The following PAK1 variants were observed in gnomAD, a reference collection of about 807,000 sequenced individuals.
PAK1 encodes the protein p21 (RAC1) activated kinase 1.
In PAK1, 29 loss-of-function variants were observed where a neutral mutation model predicts 67.4. The ratio of observed to expected loss-of-function variants is 0.43; its 90% CI spans 0.32 to 0.59. The LOEUF (loss-of-function observed/expected upper bound fraction) is 0.59, where lower values mean the gene tolerates loss of function less well. Among genes scored for constraint, PAK1 ranks in the 20% least tolerant of loss-of-function variants. The pLI, the probability that PAK1 is intolerant of heterozygous loss-of-function variation, is 0.07. For missense variants in PAK1, 337 were observed against 670.7 expected (o/e 0.50, Z 5.50); for synonymous variants, 223 against 237.4 (o/e 0.94, Z 0.56).
chr11:77,400,333 G>A (rs954408249), intron 1 of PAK1, among the ~76,000 whole-genome samples: 7 of 152,198 alleles, frequency 4.6e-5, no homozygotes, highest in East Asian at 1.9e-4. Context: ...TCTGCACCAC[G>A]TAGAGCACTA....
At chr11:77,381,339 C>CT (rs938797865) in intron 2 of PAK1, among the ~76,000 whole-genome samples, 5 of 152,160 alleles carry the variant, frequency 3.3e-5, no homozygotes, top group Non-Finnish European at 7.3e-5. Context: ...AGATTCCTTC[C>CT]TGAGATGGCA....
chr11:77,364,261 C>T (rs1947196367), intron 5 of PAK1, among the ~76,000 whole-genome samples: 1 of 152,136 alleles, frequency 6.6e-6, no homozygotes, highest in Non-Finnish European at 1.5e-5. Flanking sequence ...TTGAAAAAGG[C>T]CTAAACAGTA....
chr11:77,375,949 G>GA (rs2137009794), intron 4 of PAK1, among the ~76,000 whole-genome samples: 1 of 152,242 alleles, frequency 6.6e-6, no homozygotes, highest in East Asian at 1.9e-4. Flanking sequence ...CACAAAGCAG[G>GA]AAATAAGGCA....
intron 1 of PAK1, among the ~76,000 whole-genome samples, chr11:77,465,364 G>A (rs1957549058): frequency 6.6e-6 from 1 of 151,982 alleles, no homozygotes. Context: ...GATGGCTAAA[G>A]AACAGAATTA....
In PAK1 at chr11:77,392,506, G is replaced by A. The variant is rs767406663; in HGVS notation, c.15C>T (p.Gly5=). 1 of 1,600,608 alleles carries A rather than the reference G, an allele frequency of 6.2e-7. No individual in the cohort carries two copies. The highest frequency in any genetic ancestry group is 1.1e-5 in the South Asian group (1 of 89,662). ...CTGGGGGTTTGTCTTGAATGTCTAGGCCGTTATTTGACATTGTCACCACCA... is the reference window on the plus strand; with the variant it reads ...CTGGGGGTTTGTCTTGAATGTCTAGACCGTTATTTGACATTGTCACCACCA... MSNN[G]LDIQDKPPAP... is the part of the protein sequence containing the mutation. The change falls in exon 2 of 15, where the codon GGC becomes GGT. Residue 5 remains glycine (G), a synonymous_variant. Coordinates refer to ENST00000356341, the MANE Select transcript of PAK1 (RefSeq NM_002576.5).
At chr11:77,510,668 T>A in the PAK1 span, among the ~76,000 whole-genome samples, 2 of 152,256 alleles carry the variant, frequency 1.3e-5, no homozygotes, top group African/African-American at 4.8e-5. Context: ...ATTGATAATT[T>A]GGAAGTTTCT....
At chr11:77,414,938 A>C (rs748579656) in intron 1 of PAK1, among the ~76,000 whole-genome samples, 2 of 152,212 alleles carry the variant, frequency 1.3e-5, no homozygotes, top group Non-Finnish European at 2.9e-5. Flanking sequence ...ATACAGTGTT[A>C]AGAGAACAAA....
At chr11:77,371,103 A>G (rs908473541) in intron 5 of PAK1, among the ~76,000 whole-genome samples, 2 of 152,236 alleles carry the variant, frequency 1.3e-5, no homozygotes, top group Non-Finnish European at 2.9e-5. Context: ...TTGACTTCTC[A>G]GCACCCAAAG....
the PAK1 span, among the ~76,000 whole-genome samples, chr11:77,482,493 C>T: frequency 6.6e-6 from 1 of 152,140 alleles, no homozygotes; most frequent in African/African-American, 2.4e-5. Flanking sequence ...TAAGATGAAA[C>T]CTTCAATATA....
intron 2 of PAK1, among the ~76,000 whole-genome samples, chr11:77,390,821 A>T (rs1951041330): frequency 6.6e-6 from 1 of 152,068 alleles, no homozygotes; most frequent in Non-Finnish European, 1.5e-5. Flanking sequence ...ACCCAAAGCC[A>T]CCAAACCCAA....
chr11:77,424,284 T>TA (rs150381433), intron 1 of PAK1, among the ~76,000 whole-genome samples: 4,888 of 152,288 alleles, frequency 0.032, 132 homozygotes, highest in African/African-American at 0.074. Context: ...CTCTCTCAAG[T>TA]CTTTAAGTGC....
At chr11:77,379,487 G>A in intron 3 of PAK1, 99 bp from the exon 4 acceptor site, 1 of 1,043,002 alleles carries the variant, frequency 9.6e-7, no homozygotes, top group Non-Finnish European at 1.4e-6. Flanking sequence ...AGCAAAAGAT[G>A]CATTTATTAG....
the PAK1 span, among the ~76,000 whole-genome samples, chr11:77,516,524 T>C: frequency 6.6e-6 from 1 of 152,218 alleles, no homozygotes; most frequent in South Asian, 2.1e-4. Context: ...ATGTGTCAGG[T>C]ATTATATAAT....
intron 9 of PAK1, among the ~76,000 whole-genome samples, chr11:77,345,320 C>T (rs955701655): frequency 8.1e-6 from 1 of 122,702 alleles, no homozygotes. Context: ...TTGGAAAGTA[C>T]TTTGTTTTTA....
intron 5 of PAK1, among the ~76,000 whole-genome samples, chr11:77,365,828 G>A (rs537471964): frequency 4.1e-5 from 6 of 147,614 alleles, no homozygotes; most frequent in Middle Eastern, 3.5e-3. Flanking sequence ...GCGAGACTCC[G>A]TCTCAGAAAA....
At chr11:77,371,564 G>A (rs1337970704) in intron 5 of PAK1, among the ~76,000 whole-genome samples, 1 of 152,180 alleles carries the variant, frequency 6.6e-6, no homozygotes, top group African/African-American at 2.4e-5. Flanking sequence ...CGTAGGGAGT[G>A]AGTCACTTAA....
Position 77,414,074 on chromosome 11 carries a change from T to C in PAK1, c.-21-21533A>G, listed in dbSNP as rs539939868. Among the ~76,000 whole-genome samples the C allele has an allele frequency of 9.6e-4, 147 of 152,332 alleles. 1 individual carries two copies. The highest frequency in any genetic ancestry group is 2.2e-3 in the Admixed American group (33 of 15,304). ...CAGTGTTTCCTCACATTCAGCCAGG[T>C]GGCTCTCTGTAAATTTCTAATTCTG... is the stretch of plus-strand genomic sequence containing the variant. On this transcript the variant is annotated intron_variant, in intron 1 of 14. Transcript: ENST00000356341.
the PAK1 span, among the ~76,000 whole-genome samples, chr11:77,524,030 T>G: frequency 6.6e-6 from 1 of 152,176 alleles, no homozygotes; most frequent in Non-Finnish European, 1.5e-5. Context: ...AGATGTGCAA[T>G]GTACTGGTAA....
intron 1 of PAK1, among the ~76,000 whole-genome samples, chr11:77,432,556 GC>G (rs1202715427): frequency 1.3e-5 from 2 of 152,206 alleles, no homozygotes; most frequent in Non-Finnish European, 2.9e-5. Context: ...TAATCAGGAG[GC>G]TGAGGCTGGA....
Sources: gnomAD v4.1 joint callset for allele counts (sites outside exome capture counted in the v4.1 genomes callset) on GRCh38, gnomAD v4.1.1 for gene constraint, MANE v1.5 for transcripts, NCBI Gene and HGNC (gene_info 2026-07-23, HGNC 2026-07-21) for gene names.